Variants in COL2A1 observed in about 807,000 individuals in gnomAD.
COL2A1 encodes the protein collagen type II alpha 1 chain, also known as collagen alpha-1(II) chain.
Under a neutral mutation model 204.5 loss-of-function variants are expected in COL2A1, and 28 were observed. The observed-to-expected ratio is 0.14, with a 90% CI of 0.10 to 0.19. The LOEUF (loss-of-function observed/expected upper bound fraction) is 0.19. Among genes scored for constraint, COL2A1 ranks in the 10% least tolerant of loss-of-function variants. COL2A1 has a pLI of 1.00. For missense variants in COL2A1, 1,388 were observed against 2,027.5 expected (o/e 0.68, Z 6.06); for synonymous variants, 708 against 718.7 (o/e 0.99, Z 0.24).
rs935495157 is a variant in COL2A1 at position 48,004,223 on chromosome 12, G to A, written c.85+14C>T. 2 of 1,535,000 alleles carry A rather than the reference G, an allele frequency of 1.3e-6. No homozygotes were observed. The highest frequency in any genetic ancestry group is 8.8e-7 in the Non-Finnish European group (1 of 1,132,554). On this transcript the variant is annotated intron_variant, in intron 1 of 53. Coordinates refer to ENST00000380518, the MANE Select transcript of COL2A1 (RefSeq NM_001844.5). ...GGAAAGCAGGCAGGCAGGCAGGGGCGGGGGAAGACTTACGGACATCCTGGC... is the reference window on the plus strand; with the variant it reads ...GGAAAGCAGGCAGGCAGGCAGGGGCAGGGGAAGACTTACGGACATCCTGGC...
chr12:47,976,081 G>A lies in COL2A1; in HGVS notation c.3490-11C>T, dbSNP rs891429838. 6.3e-7 allele frequency: 1 copy of A among 1,592,130 alleles called. No homozygotes were observed. Among genetic ancestry groups the A allele is most frequent in the African/African-American group, 1.3e-5 (1 of 74,548 alleles). On this transcript the variant is annotated splice_polypyrimidine_tract_variant and intron_variant, in intron 49 of 53. Coordinates refer to ENST00000380518, the MANE Select transcript of COL2A1 (RefSeq NM_001844.5). The surrounding 1 kb of genome is among the most constrained non-coding windows in gnomAD (Gnocchi z 4.3). ...GGGGCCAGGAGGACCCTGCAAGAGA[G>A]AGAGGTCGTGAGGAAAGAGTGGTCA...
At position 47,973,277 on chromosome 12, in the gene COL2A1, T is replaced by C; in HGVS notation, c.*130A>G. 2.4e-6 allele frequency: 3 copies of C among 1,230,422 alleles called. No homozygotes were observed. Among genetic ancestry groups the C allele is most frequent in the Non-Finnish European group, 3.6e-6 (3 of 830,658 alleles). 76.2% of individuals were successfully genotyped at this position (1,230,422 alleles called of 1,614,324 possible). A position where few individuals can be genotyped will look rare whatever the true frequency, so the allele number is the denominator to read the frequency against. ...AGAGAGGGGAGAAAAGTCCGAACTG[T>C]GAGAGGGTGGGATGAATGGACATCA... is the stretch of plus-strand genomic sequence containing the variant. On this transcript the variant is annotated 3_prime_UTR_variant, in exon 54 of 54. Coordinates refer to ENST00000380518, the MANE Select transcript of COL2A1 (RefSeq NM_001844.5).
intron 3 of COL2A1, 28 bp downstream of exon 3, chr12:47,998,387 G>A: frequency 6.3e-7 from 1 of 1,581,746 alleles, no homozygotes; most frequent in Admixed American, 1.8e-5. Context: ...AAAAAAATAT[G>A]AAAAAAGAAA....
chr12:48,003,291 G>C (rs1396428855), intron 1 of COL2A1, among the ~76,000 whole-genome samples: 2 of 151,988 alleles, frequency 1.3e-5, no homozygotes, highest in Non-Finnish European at 2.9e-5. Context: ...CGACCAGCCT[G>C]CTCCCCTTCC....
At position 47,997,912 on chromosome 12, in the gene COL2A1, C is replaced by G. The variant is rs375448469; in HGVS notation, c.388G>C (p.Glu130Gln). 3 of 1,614,012 alleles carry G rather than the reference C, an allele frequency of 1.9e-6. No individual in the cohort carries two copies. Among genetic ancestry groups the G allele is most frequent in the Non-Finnish European group, 2.5e-6 (3 of 1,180,046 alleles). ...CCACGATCCCCTCTGGGTCCTTGTTCCCCTGCAGGTCCCTGAAGGTGAAGA... is the reference window on the plus strand; with the variant it reads ...CCACGATCCCCTCTGGGTCCTTGTTGCCCTGCAGGTCCCTGAAGGTGAAGA... Reference protein sequence around the residue: ...GPPGPQGPAGEQGPRGDRGDK... With the variant: ...GPPGPQGPAGQQGPRGDRGDK... Residue 130 changes from glutamate to glutamine, a missense_variant, in exon 6 of 54, where the codon GAA (glutamate) becomes CAA (glutamine). Glu to Gln is a conservative substitution (Grantham distance 29, BLOSUM62 2). Coordinates refer to ENST00000380518, the MANE Select transcript of COL2A1 (RefSeq NM_001844.5).
intron 26 of COL2A1, 72 bp downstream of exon 26, chr12:47,985,462 C>T: frequency 6.6e-7 from 1 of 1,510,494 alleles, no homozygotes; most frequent in South Asian, 1.1e-5. Context: ...ACCCAAACTC[C>T]ATCTCTCTTT....
chr12:47,993,898 G>A, intron 13 of COL2A1, 36 bp from the exon 14 acceptor site: 1 of 1,614,040 alleles, frequency 6.2e-7, no homozygotes, highest in Non-Finnish European at 8.5e-7. Flanking sequence ...TCAGACTTCT[G>A]GGAAACCCAA....
intron 44 of COL2A1, 42 bp downstream of exon 44, chr12:47,977,968 C>T (rs762799374): frequency 2.6e-6 from 4 of 1,547,732 alleles, no homozygotes; most frequent in South Asian, 1.1e-5. Context: ...CACAGGGCCC[C>T]TCTCCCCAAT....
chr12:47,982,656 C>T (rs1275466539), intron 33 of COL2A1, 47 bp from the exon 34 acceptor site: 3 of 1,415,080 alleles, frequency 2.1e-6, no homozygotes, highest in Non-Finnish European at 2.9e-6. Flanking sequence ...GCACCTCTCC[C>T]TGAACCCATG....
At chr12:47,996,381 G>A (rs934085655) in intron 8 of COL2A1, among the ~76,000 whole-genome samples, 167 bp downstream of exon 8, 1 of 152,178 alleles carries the variant, frequency 6.6e-6, no homozygotes. Flanking sequence ...GGCATCCATT[G>A]CCATTAAAAA....
rs1940019842 is a variant in COL2A1, at chr12:47,997,590, A to G, written c.531+16T>C. On this transcript the variant is annotated intron_variant, in intron 7 of 53. Transcript: ENST00000380518. Reference sequence around the variant, plus strand: ...TGGAGGGACAGCCTGAAGGAATGGGAAGTAAGGATACTTACTCCACCAAGA... The same window carrying G: ...TGGAGGGACAGCCTGAAGGAATGGGGAGTAAGGATACTTACTCCACCAAGA... 12 of 1,613,754 alleles carry G rather than the reference A, an allele frequency of 7.4e-6. No individual in the cohort carries two copies. Among genetic ancestry groups the G allele is most frequent in the Non-Finnish European group, 1.0e-5 (12 of 1,180,024 alleles).
chr12:47,998,769 T>C (rs532681037), intron 2 of COL2A1: 11 of 293,782 alleles, frequency 3.7e-5, no homozygotes, highest in African/African-American at 2.4e-4. Flanking sequence ...TCAGTCTCTC[T>C]TCCCCCCACA....
rs1565671400 is a variant in COL2A1, at chr12:47,978,124, G to C, written c.3004-7C>G. 6.2e-7 allele frequency: 1 copy of C among 1,610,912 alleles called. No individual in the cohort carries two copies. The highest frequency in any genetic ancestry group is 8.5e-7 in the Non-Finnish European group (1 of 1,178,688). On this transcript the variant is annotated splice_region_variant and splice_polypyrimidine_tract_variant and intron_variant, in intron 43 of 53. Coordinates refer to ENST00000380518, the MANE Select transcript of COL2A1 (RefSeq NM_001844.5). The surrounding 1 kb of genome is among the most constrained non-coding windows in gnomAD (Gnocchi z 5.5). ...CCTGCTTGCCGGGCTCACCCTGGAG[G>C]GACAGAGACAAGGATGATGAGTGCA...
intron 16 of COL2A1, among the ~76,000 whole-genome samples, chr12:47,990,884 T>C (rs771917329): frequency 6.6e-6 from 1 of 152,176 alleles, no homozygotes; most frequent in African/African-American, 2.4e-5. Flanking sequence ...GCCTAGGGCC[T>C]GACTGAGCAG....
rs1165582049 is a variant in COL2A1, at chr12:47,992,939, A to G, written c.970-8T>C. On this transcript the variant is annotated splice_polypyrimidine_tract_variant and splice_region_variant and intron_variant, in intron 15 of 53. Transcript: ENST00000380518. ...AGGCAGGCCACGAGGACCCTGGAAC[A>G]CACACCAGGACAGCCTAAGCATGAG... 13 of 1,614,084 alleles carry G rather than the reference A, an allele frequency of 8.1e-6. No homozygotes were observed. The highest frequency in any genetic ancestry group is 1.1e-5 in the Non-Finnish European group (13 of 1,179,924).
chr12:47,996,489 G>T, intron 8 of COL2A1, 59 bp downstream of exon 8: 1 of 1,362,792 alleles, frequency 7.3e-7, no homozygotes, highest in Non-Finnish European at 1.1e-6. Flanking sequence ...AGACTCTCTG[G>T]CTCTGCTAAG....
In COL2A1 at chr12:47,976,501, C is replaced by G; in HGVS notation, c.3489+13G>C. ...GAAGGGCCCCCTCCATCTTCCAACT[C>G]CATGTCACTTACTCTAGGGCCAGAA... On this transcript the variant is annotated intron_variant, in intron 49 of 53. Coordinates refer to ENST00000380518, the MANE Select transcript of COL2A1 (RefSeq NM_001844.5). This position sits in a 1 kb window ranked among gnomAD's most constrained non-coding sequence, Gnocchi z 4.3. 1 of 1,614,100 alleles carries G rather than the reference C, an allele frequency of 6.2e-7. No homozygotes were observed. Among genetic ancestry groups the G allele is most frequent in the Non-Finnish European group, 8.5e-7 (1 of 1,179,952 alleles).
chr12:47,986,056 C>CAGA, intron 23 of COL2A1, 91 bp from the exon 24 acceptor site: 1 of 1,265,906 alleles, frequency 7.9e-7, no homozygotes, highest in Non-Finnish European at 1.1e-6. Flanking sequence ...CCACCAACCC[C>CAGA]AATTTCTGGG....
At position 47,983,373 on chromosome 12, in the gene COL2A1, C is replaced by T. The variant is rs766863177; in HGVS notation, c.2049+12G>A. 1.2e-6 allele frequency: 2 copies of T among 1,613,726 alleles called. No individual in the cohort carries two copies. The highest frequency in any genetic ancestry group is 1.7e-5 in the Admixed American group (1 of 60,030). On this transcript the variant is annotated intron_variant, in intron 31 of 53. Transcript: ENST00000380518. The stretch of plus-strand genomic sequence containing the variant: ...CTAAACAGGTTGCAGGTCCAAAGAG[C>T]CCCATACTCACCTGGTCACCTGGTT...
Sources: allele counts gnomAD v4.1 joint callset (sites outside exome capture counted in the v4.1 genomes callset), GRCh38; gene constraint gnomAD v4.1.1; non-coding constraint Gnocchi (gnomAD v3.1); transcripts MANE v1.5; gene names NCBI Gene and HGNC (gene_info 2026-07-23, HGNC 2026-07-21).